NLGN1: variants seen among roughly 807,000 people sequenced by gnomAD.
NLGN1 encodes the protein neuroligin-1.
NLGN1 carries 12 observed loss-of-function variants against 65.5 expected under a neutral mutation model. The observed-to-expected ratio is 0.18, with a 90% CI of 0.12 to 0.30. The LOEUF is 0.30. Among genes scored for constraint, NLGN1 ranks in the 10% least tolerant of loss-of-function variants. The pLI, the probability that NLGN1 is intolerant of heterozygous loss-of-function variation, is 1.00. For synonymous variants in NLGN1, 350 were observed against 359.5 expected (o/e 0.97, Z 0.30); for missense variants, 750 against 1,007.1 (o/e 0.74, Z 3.46).
intron 2 of NLGN1, among the ~76,000 whole-genome samples, chr3:173,539,501 G>A (rs1461458306): frequency 1.4e-5 from 2 of 140,658 alleles, no homozygotes; most frequent in South Asian, 2.2e-4. Flanking sequence ...GTATGTATAT[G>A]TATATGTATG....
intron 3 of NLGN1, among the ~76,000 whole-genome samples, chr3:173,792,069 A>T (rs1321371641): frequency 1.3e-5 from 2 of 152,138 alleles, no homozygotes; most frequent in Non-Finnish European, 2.9e-5. Context: ...TCCAGCCTGC[A>T]TGGTAAAAGA....
At chr3:173,903,648 C>A (rs1737798628) in intron 4 of NLGN1, among the ~76,000 whole-genome samples, 1 of 152,188 alleles carries the variant, frequency 6.6e-6, no homozygotes, top group African/African-American at 2.4e-5. Flanking sequence ...ATCAAGGTAG[C>A]TGTGCTCAAG....
chr3:174,027,473 A>C (rs1378642508), intron 4 of NLGN1, among the ~76,000 whole-genome samples: 1 of 152,166 alleles, frequency 6.6e-6, no homozygotes, highest in African/African-American at 2.4e-5. Context: ...ACAGGTCCAC[A>C]ATCTCTTTGG....
rs1375994870 is a variant in NLGN1, at chr3:173,834,890, A to G, written c.646+27058A>G. ...CTCAACAGGGGATATAACAGAGGAG[A>G]AATCCTGTGAACTTCACATAAGAAG... On this transcript the variant is annotated intron_variant, in intron 4 of 6. Coordinates refer to ENST00000457714, the Ensembl canonical transcript of NLGN1. 2.0e-5 allele frequency among the ~76,000 whole-genome samples: 3 copies of G among 152,206 alleles called. No individual in the cohort carries two copies. In the East Asian group the frequency reaches 5.8e-4, roughly 29 times the overall value.
chr3:173,580,064 A>G lies in NLGN1; in HGVS notation c.-320-24215A>G, dbSNP rs147175996. Among the ~76,000 whole-genome samples, 30 of 152,260 alleles carry G rather than the reference A, an allele frequency of 2.0e-4. 1 individual carries two copies. The East Asian group carries it at 5.6e-3, about 28-fold the overall frequency. On this transcript the variant is annotated intron_variant, in intron 2 of 6. Transcript: ENST00000457714. ...TTCACAACATCCTAAAACGTTTATC[A>G]CAAGCCAGAGCTGAATTGATTTGAC...
intron 1 of NLGN1, among the ~76,000 whole-genome samples, chr3:173,408,803 T>C (rs1442146669): frequency 6.6e-6 from 1 of 151,558 alleles, no homozygotes; most frequent in African/African-American, 2.4e-5. Flanking sequence ...TTCCAGCTAC[T>C]TGGGAGGCTG....
At chr3:173,398,002 T>G (rs1265025503), upstream of NLGN1, 1 of 152,078 alleles carries the variant, frequency 6.6e-6, no homozygotes, top group Non-Finnish European at 1.5e-5. Flanking sequence ...TCACTGCAGC[T>G]CTTCACCCTA....
intron 4 of NLGN1, among the ~76,000 whole-genome samples, chr3:174,130,050 G>C (rs1205675554): frequency 6.6e-6 from 1 of 152,232 alleles, no homozygotes; most frequent in East Asian, 1.9e-4. Flanking sequence ...CTTCAGGGCA[G>C]GGAGCAGATA....
intron 2 of NLGN1, among the ~76,000 whole-genome samples, chr3:173,560,203 TTAC>T (rs1246316153): frequency 4.7e-4 from 72 of 152,170 alleles, no homozygotes; most frequent in Non-Finnish European, 1.3e-4. Context: ...AGTGCTGGGA[TTAC>T]TACAAGCGTG....
chr3:173,656,268 T>C (rs1423153072), intron 3 of NLGN1, among the ~76,000 whole-genome samples: 1 of 152,126 alleles, frequency 6.6e-6, no homozygotes, highest in Non-Finnish European at 1.5e-5. Context: ...TGTTTTGAGC[T>C]TGCTGGTAGG....
intron 4 of NLGN1, among the ~76,000 whole-genome samples, chr3:173,898,979 T>TA (rs1176890921): frequency 6.6e-6 from 1 of 152,094 alleles, no homozygotes; most frequent in African/African-American, 2.4e-5. Flanking sequence ...GGTAAGGAGT[T>TA]AGAGTTCTTT....
intron 3 of NLGN1, among the ~76,000 whole-genome samples, chr3:173,655,683 T>A (rs992300539): frequency 6.6e-6 from 1 of 152,080 alleles, no homozygotes; most frequent in Non-Finnish European, 1.5e-5. Context: ...TATTTATACT[T>A]TGTACCCTAC....
the NLGN1 span, among the ~76,000 whole-genome samples, chr3:174,293,930 C>T: frequency 2.0e-5 from 3 of 151,534 alleles, no homozygotes; most frequent in Non-Finnish European, 4.4e-5. Context: ...AGAGAAAGTA[C>T]TACAAGAAAT....
At chr3:173,775,891 C>T (rs952054571) in intron 3 of NLGN1, among the ~76,000 whole-genome samples, 6 of 152,114 alleles carry the variant, frequency 3.9e-5, no homozygotes, top group African/African-American at 1.4e-4. Flanking sequence ...TACAACTACA[C>T]AGCACTGAGG....
intron 2 of NLGN1, among the ~76,000 whole-genome samples, chr3:173,548,984 G>C (rs1309806593): frequency 6.6e-6 from 1 of 151,720 alleles, no homozygotes; most frequent in African/African-American, 2.4e-5. Flanking sequence ...GAAAAACATT[G>C]TTCTATTGTT....
intron 4 of NLGN1, among the ~76,000 whole-genome samples, chr3:173,915,279 A>T (rs1740502997): frequency 6.6e-6 from 1 of 152,238 alleles, no homozygotes; most frequent in Admixed American, 6.5e-5. Flanking sequence ...GAAAAAACTC[A>T]GATTTTATGA....
At chr3:173,826,847 A>G (rs1426402166) in intron 4 of NLGN1, among the ~76,000 whole-genome samples, 1 of 152,108 alleles carries the variant, frequency 6.6e-6, no homozygotes, top group East Asian at 1.9e-4. Context: ...AGGTCTTTTA[A>G]TGGGGGCTTG....
chr3:173,469,715 A>G (rs1023970456), intron 2 of NLGN1, among the ~76,000 whole-genome samples: 3 of 151,866 alleles, frequency 2.0e-5, no homozygotes, highest in Non-Finnish European at 4.4e-5. Flanking sequence ...TCAACACATC[A>G]GAGTAAAACC....
Position 173,603,659 on chromosome 3 carries a change from A to G in NLGN1, c.-320-620A>G, listed in dbSNP as rs191437830. On this transcript the variant is annotated intron_variant, in intron 2 of 6. Transcript: ENST00000457714. ...TTAAATTCTTGAATCTTAATTTCAA[A>G]TAGGAAACCTATAAGCAAAATTTTA... Among the ~76,000 whole-genome samples the G allele has an allele frequency of 1.5e-3, 222 of 152,256 alleles. 1 individual carries two copies. Among genetic ancestry groups the G allele is most frequent in the African/African-American group, 4.9e-3 (205 of 41,580 alleles).
Sources: allele counts gnomAD v4.1 joint callset (sites outside exome capture counted in the v4.1 genomes callset), GRCh38; gene constraint gnomAD v4.1.1; transcripts MANE v1.5; gene names NCBI Gene and HGNC (gene_info 2026-07-23, HGNC 2026-07-21).